The following CSMD1 variants were observed in gnomAD, a reference collection of about 807,000 sequenced individuals.
CSMD1 encodes the protein CUB and Sushi multiple domains 1.
CSMD1 carries 213 observed loss-of-function variants against 417.5 expected under a neutral mutation model. The observed-to-expected ratio is 0.51, with a 90% CI of 0.46 to 0.57. The LOEUF is 0.57. Ranked by LOEUF, CSMD1 falls within the 20% of genes least tolerant of loss-of-function variation. CSMD1 has a pLI of 0.00. For missense variants in CSMD1, 6,923 were observed against 4,529.7 expected (o/e 1.53, Z -15.17); for synonymous variants, 2,862 against 1,736.8 (o/e 1.65, Z -16.11).
At chr8:4,223,879 T>C (rs565858023) in intron 3 of CSMD1, among the ~76,000 whole-genome samples, 73 of 152,304 alleles carry the variant, frequency 4.8e-4, no homozygotes, top group African/African-American at 1.8e-3. Context: ...AAGTCCTGCA[T>C]GGAAAATTAA....
At chr8:3,732,117 G>A (rs139264054) in intron 6 of CSMD1, among the ~76,000 whole-genome samples, 2 of 152,170 alleles carry the variant, frequency 1.3e-5, no homozygotes, top group African/African-American at 4.8e-5. Context: ...GGGCCTTGGA[G>A]GAGAGGGCTC....
At chr8:3,412,607 G>A (rs973695803) in intron 12 of CSMD1, among the ~76,000 whole-genome samples, 1 of 152,180 alleles carries the variant, frequency 6.6e-6, no homozygotes, top group African/African-American at 2.4e-5. Flanking sequence ...ACAAAATGCA[G>A]ATATTTGGTT....
intron 3 of CSMD1, among the ~76,000 whole-genome samples, chr8:4,153,345 C>G (rs1352389687): frequency 6.6e-6 from 1 of 152,186 alleles, no homozygotes; most frequent in Non-Finnish European, 1.5e-5. Context: ...GTGAACTTGA[C>G]TGTGTCTCTT....
intron 29 of CSMD1, among the ~76,000 whole-genome samples, chr8:3,218,373 A>G (rs191820348): frequency 1.3e-5 from 2 of 151,534 alleles, no homozygotes; most frequent in Non-Finnish European, 1.5e-5. Context: ...CATCCTGGCT[A>G]ACACTGTGAA....
At chr8:3,463,006 G>T (rs1356018466) in intron 12 of CSMD1, among the ~76,000 whole-genome samples, 1 of 152,230 alleles carries the variant, frequency 6.6e-6, no homozygotes, top group Non-Finnish European at 1.5e-5. Flanking sequence ...TGAGGACACA[G>T]TGAGAAGGCG....
intron 3 of CSMD1, among the ~76,000 whole-genome samples, chr8:4,324,101 G>C (rs1205639684): frequency 6.6e-6 from 1 of 152,106 alleles, no homozygotes; most frequent in African/African-American, 2.4e-5. Context: ...CCTTCCCAAT[G>C]ACATCACCTA....
chr8:4,800,826 G>C (rs1212564223), intron 1 of CSMD1, among the ~76,000 whole-genome samples: 2 of 152,350 alleles, frequency 1.3e-5, no homozygotes, highest in East Asian at 3.9e-4. Context: ...AGTGGTGGGT[G>C]CAGGGCACAA....
chr8:3,607,075 T>C (rs983482468), intron 8 of CSMD1, among the ~76,000 whole-genome samples: 2 of 152,332 alleles, frequency 1.3e-5, no homozygotes, highest in Non-Finnish European at 2.9e-5. Context: ...CACAAACACA[T>C]AGTACAGCTG....
chr8:3,662,812 G>A (rs1018101590), intron 7 of CSMD1, among the ~76,000 whole-genome samples: 1 of 151,912 alleles, frequency 6.6e-6, no homozygotes, highest in Non-Finnish European at 1.5e-5. Flanking sequence ...CACAGGGAGG[G>A]GAACATCACA....
intron 5 of CSMD1, among the ~76,000 whole-genome samples, chr8:3,868,153 A>G (rs1224154766): frequency 6.6e-6 from 1 of 151,926 alleles, no homozygotes; most frequent in African/African-American, 2.4e-5. Context: ...CACAGCCCTA[A>G]TTCCACTCCA....
At chr8:4,834,095 T>C (rs565133188) in intron 1 of CSMD1, among the ~76,000 whole-genome samples, 6 of 152,246 alleles carry the variant, frequency 3.9e-5, no homozygotes, top group Non-Finnish European at 5.9e-5. Context: ...GATATTCAAA[T>C]GAATTCCTTT....
intron 1 of CSMD1, among the ~76,000 whole-genome samples, chr8:4,657,375 G>C (rs541759977): frequency 2.6e-5 from 4 of 152,070 alleles, no homozygotes; most frequent in Non-Finnish European, 5.9e-5. Flanking sequence ...TTTCCTTTCT[G>C]CCTCTCTTTT....
intron 35 of CSMD1, among the ~76,000 whole-genome samples, chr8:3,188,637 G>C (rs1456507102): frequency 6.6e-6 from 1 of 151,754 alleles, no homozygotes. Flanking sequence ...TGGTACTTTT[G>C]ATAGTTTTTA....
At chr8:4,593,495 G>C (rs1300529635) in intron 2 of CSMD1, among the ~76,000 whole-genome samples, 2 of 152,116 alleles carry the variant, frequency 1.3e-5, no homozygotes, top group Non-Finnish European at 2.9e-5. Flanking sequence ...AACGCTTTTA[G>C]AGTCTTGGAT....
At chr8:4,188,533 C>T (rs1255259215) in intron 3 of CSMD1, among the ~76,000 whole-genome samples, 1 of 152,042 alleles carries the variant, frequency 6.6e-6, no homozygotes, top group African/African-American at 2.4e-5. Flanking sequence ...TTATTTGAGG[C>T]TGTCTTTAGG....
intron 49 of CSMD1, among the ~76,000 whole-genome samples, chr8:3,085,457 C>G (rs1417113609): frequency 6.6e-6 from 1 of 152,184 alleles, no homozygotes; most frequent in Non-Finnish European, 1.5e-5. Context: ...TCTAACTCTT[C>G]TTCCAAAACA....
chr8:4,520,828 G>C (rs10102969), intron 2 of CSMD1, among the ~76,000 whole-genome samples: 21 of 151,930 alleles, frequency 1.4e-4, no homozygotes, highest in Non-Finnish European at 2.9e-4. Context: ...TAAGTATAAC[G>C]TATATACCAG....
chr8:4,531,698 T>G (rs925222878), intron 2 of CSMD1, among the ~76,000 whole-genome samples: 1 of 152,192 alleles, frequency 6.6e-6, no homozygotes, highest in Non-Finnish European at 1.5e-5. Context: ...CTTTTAAACA[T>G]TTTTGTAATA....
chr8:4,270,828 T>A (rs1335880515), intron 3 of CSMD1, among the ~76,000 whole-genome samples: 1 of 152,124 alleles, frequency 6.6e-6, no homozygotes, highest in East Asian at 1.9e-4. Flanking sequence ...CCCACCACAC[T>A]CCGTGACTTC....
Sources: gnomAD v4.1 joint callset for allele counts (sites outside exome capture counted in the v4.1 genomes callset) on GRCh38, gnomAD v4.1.1 for gene constraint, MANE v1.5 for transcripts, NCBI Gene and HGNC (gene_info 2026-07-23, HGNC 2026-07-21) for gene names.